The following RARB variants were observed in gnomAD, a reference collection of about 807,000 sequenced individuals.
RARB encodes retinoic acid receptor beta, also known as HBV-activated protein.
A neutral mutation model predicts 51.9 loss-of-function variants in RARB; 17 were observed. That is an observed-to-expected ratio of 0.33 (90% CI 0.22 to 0.49). The LOEUF (loss-of-function observed/expected upper bound fraction) is 0.49, where lower values mean the gene tolerates loss of function less well. Ranked by LOEUF, RARB falls within the 20% of genes least tolerant of loss-of-function variation. The pLI is 0.99. For synonymous variants in RARB, 215 were observed against 195.4 expected (o/e 1.10, Z -0.84); for missense variants, 369 against 550.8 (o/e 0.67, Z 3.30).
At chr3:25,419,312 C>T (rs1707795157) in intron 5 of RARB, among the ~76,000 whole-genome samples, 1 of 152,246 alleles carries the variant, frequency 6.6e-6, no homozygotes, top group Non-Finnish European at 1.5e-5. Flanking sequence ...ACTGTTTACT[C>T]AAATGCCAAA....
At chr3:24,861,095 C>A (rs139799887) in intron 2 of RARB, among the ~76,000 whole-genome samples, 361 of 152,258 alleles carry the variant, frequency 2.4e-3, no homozygotes, top group African/African-American at 8.4e-3. Context: ...CTTGTGAATT[C>A]AGCCACCACC....
intron 5 of RARB, among the ~76,000 whole-genome samples, chr3:25,205,511 G>T (rs1025373298): frequency 2.0e-5 from 3 of 152,006 alleles, no homozygotes; most frequent in African/African-American, 7.2e-5. Flanking sequence ...TGTCTTCTGC[G>T]TTGCTCACTC....
intron 5 of RARB, among the ~76,000 whole-genome samples, chr3:25,175,252 G>A (rs1031992768): frequency 2.0e-5 from 3 of 152,160 alleles, no homozygotes; most frequent in Admixed American, 6.5e-5. Context: ...AGTTCTGCCT[G>A]TTTAAAGACA....
chr3:25,364,429 C>T lies in RARB; in HGVS notation c.179-96764C>T, dbSNP rs1010612596. Among the ~76,000 whole-genome samples the T allele has an allele frequency of 3.3e-5, 5 of 152,158 alleles. No individual in the cohort carries two copies. The East Asian group carries it at 5.8e-4, about 18-fold the overall frequency. On this transcript the variant is annotated intron_variant, in intron 5 of 11. Transcript: ENST00000383772. ...TCCTTCCCAGAATAATGCACATCTG[C>T]AAATTTACACAAAATGTGGGCTTCA...
chr3:25,083,117 TATATC>T lies in RARB; in HGVS notation c.-328+22944_-328+22948del, dbSNP rs199637828. On this transcript the variant is annotated intron_variant, in intron 3 of 11. Coordinates refer to the RARB transcript ENST00000383772. The stretch of plus-strand genomic sequence containing the variant: ...TTTTATCTTTTAGCATTTTAAATAT[TATATC>T]ATTAGGTATGATTTTTCTTTTTTTC... Among the ~76,000 whole-genome samples the T allele has an allele frequency of 7.1e-3, 947 of 133,700 alleles. 6 individuals carry two copies. Among genetic ancestry groups the T allele is most frequent in the African/African-American group, 0.026 (886 of 34,470 alleles). 87.7% of individuals were successfully genotyped at this position (133,700 alleles called of 152,430 possible).
rs144397103 is a variant in RARB at position 25,120,278 on chromosome 3, G to A, written c.-327-11883G>A. ...TGGAGAGACAGTAGAGAGTAGTGAC[G>A]ACTGTAAAAAACTGGAGATTACATA... On this transcript the variant is annotated intron_variant, in intron 3 of 11. Coordinates refer to the RARB transcript ENST00000383772. Among the ~76,000 whole-genome samples the A allele has an allele frequency of 9.3e-4, 141 of 152,180 alleles. 2 individuals carry two copies. Among genetic ancestry groups the A allele is most frequent in the African/African-American group, 3.1e-3 (127 of 41,526 alleles).
At chr3:25,031,698 G>C (rs1697880535) in intron 2 of RARB, among the ~76,000 whole-genome samples, 1 of 152,158 alleles carries the variant, frequency 6.6e-6, no homozygotes, top group Admixed American at 6.5e-5. Context: ...AACTGTCTAT[G>C]GAGTTGCATG....
intron 5 of RARB, among the ~76,000 whole-genome samples, chr3:25,266,619 G>A (rs2125409224): frequency 6.6e-6 from 1 of 152,250 alleles, no homozygotes; most frequent in Non-Finnish European, 1.5e-5. Flanking sequence ...ATTCAACCGT[G>A]TCCCTGCAAA....
intron 1 of RARB, among the ~76,000 whole-genome samples, chr3:24,830,451 G>T (rs1210559117): frequency 6.7e-6 from 1 of 149,696 alleles, no homozygotes; most frequent in Non-Finnish European, 1.5e-5. Context: ...GTACGTGCGC[G>T]CGCGCCGTGG....
intron 3 of RARB, among the ~76,000 whole-genome samples, chr3:25,544,501 G>A (rs183210496): frequency 6.6e-6 from 1 of 152,294 alleles, no homozygotes; most frequent in African/African-American, 2.4e-5. Context: ...TACCTGGAAG[G>A]TTACTTCAGT....
intron 3 of RARB, among the ~76,000 whole-genome samples, chr3:25,561,564 G>T (rs1211241061): frequency 2.0e-5 from 3 of 152,034 alleles, no homozygotes; most frequent in Non-Finnish European, 4.4e-5. Context: ...GCTGGCTCCA[G>T]ATTGATCTAG....
chr3:25,591,045 G>C (rs1701590504), intron 5 of RARB, among the ~76,000 whole-genome samples: 1 of 152,216 alleles, frequency 6.6e-6, no homozygotes, highest in African/African-American at 2.4e-5. Context: ...CCAAGATGAA[G>C]TGAAACAGGT....
At chr3:25,061,054 G>A (rs941370745) in intron 3 of RARB, among the ~76,000 whole-genome samples, 1 of 151,918 alleles carries the variant, frequency 6.6e-6, no homozygotes, top group South Asian at 2.1e-4. Flanking sequence ...GAAAGGTTGT[G>A]TAGACATAAC....
At chr3:25,150,535 A>G (rs980117651) in intron 4 of RARB, among the ~76,000 whole-genome samples, 1 of 150,462 alleles carries the variant, frequency 6.6e-6, no homozygotes, top group Admixed American at 6.6e-5. Flanking sequence ...AGATCATTCT[A>G]CCTTGATCTG....
At chr3:25,339,758 A>G (rs1705168750) in intron 5 of RARB, among the ~76,000 whole-genome samples, 1 of 152,108 alleles carries the variant, frequency 6.6e-6, no homozygotes, top group Non-Finnish European at 1.5e-5. Context: ...CCCAGGAGCC[A>G]TAGCATTGTA....
chr3:25,238,600 G>C (rs1702358237), intron 5 of RARB, among the ~76,000 whole-genome samples: 1 of 152,126 alleles, frequency 6.6e-6, no homozygotes, highest in African/African-American at 2.4e-5. Context: ...TTGCATAGTA[G>C]CTGCACTACT....
chr3:24,864,980 G>A (rs574076643), intron 2 of RARB, among the ~76,000 whole-genome samples: 6 of 152,232 alleles, frequency 3.9e-5, no homozygotes, highest in East Asian at 1.9e-4. Context: ...ATTGTCATTC[G>A]CTTTCCTCTC....
chr3:25,422,333 A>G (rs1707884153), intron 5 of RARB, among the ~76,000 whole-genome samples: 1 of 152,238 alleles, frequency 6.6e-6, no homozygotes. Flanking sequence ...TAAGTGGCAC[A>G]TCTAATCTTA....
chr3:25,243,309 T>C (rs145230242), intron 5 of RARB, among the ~76,000 whole-genome samples: 1 of 152,296 alleles, frequency 6.6e-6, no homozygotes, highest in African/African-American at 2.4e-5. Flanking sequence ...TTTCTTCCTC[T>C]TGCCTGATTG....
Sources: gnomAD v4.1 joint callset for allele counts (sites outside exome capture counted in the v4.1 genomes callset) on GRCh38, gnomAD v4.1.1 for gene constraint, MANE v1.5 for transcripts, NCBI Gene and HGNC (gene_info 2026-07-23, HGNC 2026-07-21) for gene names.